DIP2C: variants seen among roughly 807,000 people sequenced by gnomAD.
DIP2C encodes the protein DIP2 acetate--CoA ligase C (putative), also known as disco-interacting protein 2 homolog C.
In DIP2C, 33 loss-of-function variants were observed where a neutral mutation model predicts 192.4. The observed-to-expected ratio is 0.17, with a 90% CI of 0.13 to 0.23. The LOEUF is 0.23. Among genes scored for constraint, DIP2C ranks in the 10% least tolerant of loss-of-function variants. DIP2C has a pLI of 1.00. For synonymous variants in DIP2C, 979 were observed against 864.1 expected (o/e 1.13, Z -2.33); for missense variants, 1,537 against 2,110.1 (o/e 0.73, Z 5.32).
chr10:657,698 T>A (rs1856459330), intron 1 of DIP2C, among the ~76,000 whole-genome samples: 1 of 138,786 alleles, frequency 7.2e-6, no homozygotes, highest in African/African-American at 2.7e-5. Flanking sequence ...GACCTGACAC[T>A]GGACCTGCCC....
intron 1 of DIP2C, among the ~76,000 whole-genome samples, chr10:505,646 G>A (rs1331163914): frequency 6.6e-6 from 1 of 151,610 alleles, no homozygotes; most frequent in African/African-American, 2.4e-5. Flanking sequence ...CCTGACACCA[G>A]GGAGATGGAG....
At chr10:376,126 G>C (rs181100267) in intron 17 of DIP2C, among the ~76,000 whole-genome samples, 1 of 152,200 alleles carries the variant, frequency 6.6e-6, no homozygotes, top group African/African-American at 2.4e-5. Context: ...ATGCTCACAC[G>C]GGCCTCTGAC....
intron 1 of DIP2C, among the ~76,000 whole-genome samples, chr10:603,092 G>A (rs1213429025): frequency 1.3e-5 from 2 of 152,004 alleles, no homozygotes; most frequent in African/African-American, 2.4e-5. Flanking sequence ...GAAAATGCTG[G>A]ATTATCATAT....
In DIP2C at chr10:326,790, A is replaced by G. The variant is rs111891660; in HGVS notation, c.3924+216T>C. Among the ~76,000 whole-genome samples, 534 of 152,356 alleles carry G rather than the reference A, an allele frequency of 3.5e-3. 1 individual carries two copies. Among genetic ancestry groups the G allele is most frequent in the Middle Eastern group, 0.024 (7 of 294 alleles). The stretch of plus-strand genomic sequence containing the variant: ...CAAAAGTTAAAATGTTCCAGGACAG[A>G]GTAAGTCCTATGAATGCTTGTTATG... On this transcript the variant is annotated intron_variant, in intron 31 of 36. Coordinates refer to ENST00000280886, the MANE Select transcript of DIP2C (RefSeq NM_014974.3).
chr10:684,074 T>C (rs1014009883), intron 1 of DIP2C, among the ~76,000 whole-genome samples: 2 of 152,256 alleles, frequency 1.3e-5, no homozygotes, highest in Admixed American at 1.3e-4. Context: ...GTGGGTTCGC[T>C]TTCCTAGCTT....
intron 7 of DIP2C, among the ~76,000 whole-genome samples, chr10:414,742 C>CATATATATATATATAT (rs1554848029): frequency 4.4e-5 from 5 of 112,554 alleles, no homozygotes; most frequent in African/African-American, 1.8e-4. Flanking sequence ...TGTGTGTGTA[C>CATATATATATATATAT]ATATATATAT....
chr10:348,622 A>T lies in DIP2C; in HGVS notation c.3231+19T>A, dbSNP rs1432160609. ...CAGCTCCAGGCAGGTGGAGGCCCCGACATTCCCAGGCATGTTACCTCCACA... is the reference window on the plus strand; with the variant it reads ...CAGCTCCAGGCAGGTGGAGGCCCCGTCATTCCCAGGCATGTTACCTCCACA... On this transcript the variant is annotated intron_variant, in intron 26 of 36. Coordinates refer to ENST00000280886, the MANE Select transcript of DIP2C (RefSeq NM_014974.3). 6.2e-7 allele frequency: 1 copy of T among 1,610,242 alleles called. No homozygotes were observed. The highest frequency in any genetic ancestry group is 8.5e-7 in the Non-Finnish European group (1 of 1,178,642).
chr10:294,888 AAG>A (rs1306198922), intron 32 of DIP2C, among the ~76,000 whole-genome samples: 5 of 152,166 alleles, frequency 3.3e-5, no homozygotes, highest in African/African-American at 1.2e-4. Context: ...TACAGAATAA[AAG>A]AATACATTTG....
chr10:534,381 C>T (rs1432118416), intron 1 of DIP2C, among the ~76,000 whole-genome samples: 1 of 152,218 alleles, frequency 6.6e-6, no homozygotes, highest in South Asian at 2.1e-4. Flanking sequence ...CAGCCTGGGT[C>T]CCTGCTAGTC....
chr10:668,749 T>G (rs1711642229), intron 1 of DIP2C: 1 of 152,250 alleles, frequency 6.6e-6, no homozygotes, highest in South Asian at 2.1e-4. Context: ...AAAAGCTTTT[T>G]TCAAGAAGGT....
intron 1 of DIP2C, among the ~76,000 whole-genome samples, chr10:582,919 A>T (rs887162675): frequency 3.3e-5 from 5 of 152,226 alleles, no homozygotes; most frequent in African/African-American, 1.2e-4. Flanking sequence ...TTTCAAATAA[A>T]ATTTCTGATG....
chr10:370,348 C>CCG, intron 17 of DIP2C, among the ~76,000 whole-genome samples: 1 of 152,346 alleles, frequency 6.6e-6, no homozygotes, highest in East Asian at 1.9e-4. Context: ...CAGCTTGCTC[C>CCG]CGCCTTGGGG....
chr10:552,326 G>C (rs1848633739), intron 1 of DIP2C, among the ~76,000 whole-genome samples: 1 of 152,250 alleles, frequency 6.6e-6, no homozygotes, highest in African/African-American at 2.4e-5. Context: ...CAGAGGAACA[G>C]ATCGGTCTAT....
At chr10:518,154 C>G (rs1046244935) in intron 1 of DIP2C, among the ~76,000 whole-genome samples, 2 of 152,218 alleles carry the variant, frequency 1.3e-5, no homozygotes, top group Non-Finnish European at 2.9e-5. Flanking sequence ...GCCTGGAGGG[C>G]GGACACCCAG....
chr10:461,485 A>G (rs1451054365), intron 3 of DIP2C, among the ~76,000 whole-genome samples: 1 of 152,234 alleles, frequency 6.6e-6, no homozygotes, highest in African/African-American at 2.4e-5. Context: ...AGAAGGGCCA[A>G]CTATCCTAAA....
At chr10:659,570 C>T (rs970870716) in intron 1 of DIP2C, among the ~76,000 whole-genome samples, 2 of 152,166 alleles carry the variant, frequency 1.3e-5, no homozygotes, top group African/African-American at 2.4e-5. Flanking sequence ...TGTGAACATA[C>T]GAATAGAAAT....
At chr10:539,487 C>CAGGG (rs1847862877) in intron 1 of DIP2C, among the ~76,000 whole-genome samples, 1 of 152,180 alleles carries the variant, frequency 6.6e-6, no homozygotes. Context: ...CATTTTATTC[C>CAGGG]AGGGACCTGA....
intron 32 of DIP2C, among the ~76,000 whole-genome samples, chr10:309,382 T>C (rs1320059843): frequency 1.3e-5 from 2 of 151,972 alleles, no homozygotes; most frequent in Non-Finnish European, 2.9e-5. Flanking sequence ...GACAAAACAT[T>C]TCCATTCATG....
intron 30 of DIP2C, among the ~76,000 whole-genome samples, chr10:327,423 G>T (rs1957323791): frequency 6.6e-6 from 1 of 152,154 alleles, no homozygotes; most frequent in Non-Finnish European, 1.5e-5. Flanking sequence ...TGGAGCCACA[G>T]CAAGAACTGT....
Sources: allele counts gnomAD v4.1 joint callset (sites outside exome capture counted in the v4.1 genomes callset), GRCh38; gene constraint gnomAD v4.1.1; transcripts MANE v1.5; gene names NCBI Gene and HGNC (gene_info 2026-07-23, HGNC 2026-07-21).